The following GPR158 variants were observed in gnomAD, a reference collection of about 807,000 sequenced individuals.
GPR158 encodes metabotropic glycine receptor.
GPR158 carries 30 observed loss-of-function variants against 78.2 expected under a neutral mutation model. The ratio of observed to expected loss-of-function variants is 0.38; its 90% CI spans 0.29 to 0.52. GPR158 has a LOEUF of 0.52. GPR158 is among the 20% of genes least tolerant of loss of function. The pLI is 0.83. For missense variants in GPR158, 1,463 were observed against 1,523.5 expected, an observed-to-expected ratio of 0.96 and a Z score of 0.66; for synonymous variants, 581 against 591.1, an observed-to-expected ratio of 0.98 and a Z score of 0.25.
At chr10:25,450,240 A>G (rs1835195905) in intron 4 of GPR158, among the ~76,000 whole-genome samples, 1 of 152,042 alleles carries the variant, frequency 6.6e-6, no homozygotes, top group South Asian at 2.1e-4. Context: ...CTGCATGCAT[A>G]AAACATGACC....
At chr10:25,374,658 G>A (rs1260114285) in intron 2 of GPR158, among the ~76,000 whole-genome samples, 3 of 151,630 alleles carry the variant, frequency 2.0e-5, no homozygotes, top group Non-Finnish European at 4.4e-5. Flanking sequence ...CATGTAATAT[G>A]CAACCTTTTG....
chr10:25,395,828 A>G (rs917670013), intron 2 of GPR158, 83 bp from the exon 3 acceptor site: 4 of 584,216 alleles, frequency 6.8e-6, no homozygotes, highest in African/African-American at 1.9e-5. Context: ...TTCTGTTACC[A>G]TTTGCAATGA....
chr10:25,530,094 G>A (rs974819541), intron 5 of GPR158, among the ~76,000 whole-genome samples: 2 of 152,106 alleles, frequency 1.3e-5, no homozygotes, highest in Non-Finnish European at 2.9e-5. Flanking sequence ...GGGGAGGCGG[G>A]AGATGGGTGG....
intron 2 of GPR158, among the ~76,000 whole-genome samples, chr10:25,263,901 C>A (rs568222112): frequency 1.3e-5 from 2 of 152,312 alleles, no homozygotes; most frequent in South Asian, 2.1e-4. Flanking sequence ...AGTGCCACTG[C>A]ACTCCAGCCT....
chr10:25,506,091 C>A (rs1836009180), intron 5 of GPR158, among the ~76,000 whole-genome samples: 1 of 152,180 alleles, frequency 6.6e-6, no homozygotes, highest in Admixed American at 6.5e-5. Flanking sequence ...CAACTCGACA[C>A]TAGGTTCTGG....
At chr10:25,207,339 A>G (rs964444600) in intron 1 of GPR158, among the ~76,000 whole-genome samples, 1 of 152,072 alleles carries the variant, frequency 6.6e-6, no homozygotes, top group African/African-American at 2.4e-5. Flanking sequence ...CTGTGACTCT[A>G]TTAATCTGTT....
chr10:25,402,521 C>T (rs2130537386), intron 3 of GPR158, among the ~76,000 whole-genome samples: 1 of 152,142 alleles, frequency 6.6e-6, no homozygotes, highest in Middle Eastern at 3.4e-3. Flanking sequence ...TTTCATAGGA[C>T]ATGCTAGCTG....
chr10:25,446,686 C>A (rs1223390806), intron 4 of GPR158, among the ~76,000 whole-genome samples: 1 of 152,162 alleles, frequency 6.6e-6, no homozygotes, highest in Non-Finnish European at 1.5e-5. Context: ...ATGCTCAAAT[C>A]AAGTTCTAAC....
At chr10:25,582,199 A>G (rs950639162) in intron 7 of GPR158, among the ~76,000 whole-genome samples, 3 of 152,196 alleles carry the variant, frequency 2.0e-5, no homozygotes, top group African/African-American at 7.2e-5. Context: ...AAACCATATC[A>G]GACAGAGAGA....
chr10:25,281,274 TAC>T (rs1367988715), intron 2 of GPR158, among the ~76,000 whole-genome samples: 1 of 149,804 alleles, frequency 6.7e-6, no homozygotes, highest in East Asian at 2.0e-4. Flanking sequence ...AATGAAAAAA[TAC>T]AGTTAGGCTG....
chr10:25,194,172 G>T (rs562688360), intron 1 of GPR158, among the ~76,000 whole-genome samples: 2 of 152,216 alleles, frequency 1.3e-5, no homozygotes, highest in African/African-American at 4.8e-5. Flanking sequence ...TTTATGGTGG[G>T]GTCTAAAATG....
chr10:25,546,869 G>A (rs1836668366), intron 5 of GPR158, among the ~76,000 whole-genome samples: 2 of 152,160 alleles, frequency 1.3e-5, no homozygotes, highest in Non-Finnish European at 2.9e-5. Context: ...GCCGGGGGTT[G>A]TGCAAGGAAT....
At chr10:25,466,089 AG>A (rs2130616921) in intron 4 of GPR158, 1 of 152,348 alleles carries the variant, frequency 6.6e-6, no homozygotes, top group South Asian at 2.1e-4. Flanking sequence ...AAAAAGGAAA[AG>A]GGGAGGGGTC....
intron 2 of GPR158, among the ~76,000 whole-genome samples, chr10:25,280,441 C>T (rs1854251420): frequency 2.0e-5 from 3 of 152,112 alleles, no homozygotes; most frequent in African/African-American, 7.2e-5. Context: ...AACTTGTATG[C>T]ACCTAATAAG....
At chr10:25,246,318 T>TATA (rs1407475509) in intron 2 of GPR158, among the ~76,000 whole-genome samples, 1 of 152,184 alleles carries the variant, frequency 6.6e-6, no homozygotes, top group Non-Finnish European at 1.5e-5. Context: ...GACTTAACTA[T>TATA]ATAAAGTGAT....
At chr10:25,453,243 T>C (rs1319468872) in intron 4 of GPR158, among the ~76,000 whole-genome samples, 5 of 152,198 alleles carry the variant, frequency 3.3e-5, no homozygotes, top group Admixed American at 2.0e-4. Context: ...ATATATCTGT[T>C]AGTGGGATTA....
intron 2 of GPR158, among the ~76,000 whole-genome samples, chr10:25,324,018 G>A (rs1008686243): frequency 1.3e-5 from 2 of 152,232 alleles, no homozygotes; most frequent in Non-Finnish European, 2.9e-5. Flanking sequence ...GCCTTTCTTT[G>A]GATTAGGTTA....
At chr10:25,544,243 A>T (rs1198421364) in intron 5 of GPR158, among the ~76,000 whole-genome samples, 1 of 152,086 alleles carries the variant, frequency 6.6e-6, no homozygotes, top group Non-Finnish European at 1.5e-5. Flanking sequence ...CGTCTTTATA[A>T]CTATCACTGG....
chr10:25,431,843 A>G (rs1338195032), intron 4 of GPR158, among the ~76,000 whole-genome samples: 1 of 151,972 alleles, frequency 6.6e-6, no homozygotes, highest in Non-Finnish European at 1.5e-5. Context: ...GGAACATCAC[A>G]CTCTGGGGAC....
Sources: allele counts gnomAD v4.1 joint callset (sites outside exome capture counted in the v4.1 genomes callset), GRCh38; gene constraint gnomAD v4.1.1; transcripts MANE v1.5; gene names NCBI Gene and HGNC (gene_info 2026-07-23, HGNC 2026-07-21).